Variants in YTHDF3 observed in about 807,000 individuals in gnomAD.
YTHDF3 encodes YTH N6-methyladenosine RNA binding protein F3, also known as YTH domain-containing family protein 3.
In YTHDF3, 9 loss-of-function variants were observed where a neutral mutation model predicts 52.5. The observed-to-expected ratio is 0.17, with a 90% CI of 0.10 to 0.30. The LOEUF is 0.30. Among genes scored for constraint, YTHDF3 ranks in the 10% least tolerant of loss-of-function variants. The pLI, the probability that YTHDF3 is intolerant of heterozygous loss-of-function variation, is 1.00. For missense variants in YTHDF3, 534 were observed against 715.0 expected, an observed-to-expected ratio of 0.75 and a Z score of 2.89; for synonymous variants, 274 against 243.3, an observed-to-expected ratio of 1.13 and a Z score of -1.18.
At chr8:63,190,761 A>G (rs992025557) in intron 4 of YTHDF3, among the ~76,000 whole-genome samples, 4 of 152,150 alleles carry the variant, frequency 2.6e-5, no homozygotes, top group Non-Finnish European at 5.9e-5. Context: ...AACTTCCACC[A>G]CAGGGCTGTG....
In YTHDF3 at chr8:63,187,040, G is replaced by A. The variant is rs529453463; in HGVS notation, c.1029G>A (p.Val343=). ...GPQPQAQPHQ[V]QPQQQQLQNR... is the part of the protein sequence containing the mutation. ...AGCCACAGGCCCAGCCTCACCAAGTGCAGCCTCAACAGCAGCAGCTGCAGA... is the reference window on the plus strand; with the variant it reads ...AGCCACAGGCCCAGCCTCACCAAGTACAGCCTCAACAGCAGCAGCTGCAGA... Residue 343 remains valine (V), a synonymous_variant, in exon 4 of 5, where the codon GTG becomes GTA. Coordinates refer to ENST00000539294, the MANE Select transcript of YTHDF3 (RefSeq NM_152758.6). 2.5e-6 allele frequency: 4 copies of A among 1,613,524 alleles called. No homozygotes were observed. The highest frequency in any genetic ancestry group is 2.2e-5 in the East Asian group (1 of 44,872).
In YTHDF3 at chr8:63,210,348, G is replaced by A. The variant is rs1366833780; in HGVS notation, c.*642G>A. 1 of 152,510 alleles carries A rather than the reference G, an allele frequency of 6.6e-6. No homozygotes were observed. The highest frequency in any genetic ancestry group is 2.4e-5 in the African/African-American group (1 of 41,430). The allele number at this position is 152,510 out of a possible 1,614,324, so 9.4% of individuals were successfully genotyped here. On this transcript the variant is annotated 3_prime_UTR_variant, in exon 5 of 5. Coordinates refer to ENST00000539294, the MANE Select transcript of YTHDF3 (RefSeq NM_152758.6). ...GTAACAGAATATTGATATGCAGCTTGGTGGATTTCACCAGTTAATGCACAT... is the reference window on the plus strand; with the variant it reads ...GTAACAGAATATTGATATGCAGCTTAGTGGATTTCACCAGTTAATGCACAT...
At position 63,175,531 on chromosome 8, in the gene YTHDF3, G is replaced by A. The variant is rs936910790; in HGVS notation, c.135+115G>A. 7 of 839,178 alleles carry A rather than the reference G, an allele frequency of 8.3e-6. No homozygotes were observed. In the African/African-American group the frequency reaches 1.0e-4, roughly 12 times the overall value. 52.0% of individuals were successfully genotyped at this position (839,178 alleles called of 1,614,324 possible). A position where few individuals can be genotyped will look rare whatever the true frequency, so the allele number is the denominator to read the frequency against. The stretch of plus-strand genomic sequence containing the variant: ...CATAACATGGATTCATTCATCTAGT[G>A]TACCTATATAGTAAGTGAGTAGTGA... On this transcript the variant is annotated intron_variant, in intron 3 of 4. Coordinates refer to ENST00000539294, the MANE Select transcript of YTHDF3 (RefSeq NM_152758.6).
chr8:63,168,587 A>G (rs1416075629), upstream of YTHDF3: 1 of 556,334 alleles, frequency 1.8e-6, no homozygotes, highest in Non-Finnish European at 3.2e-6. Flanking sequence ...GTCAGAGTGG[A>G]GAGCGGAAGG....
chr8:63,194,143 A>G (rs1809089431), intron 4 of YTHDF3, among the ~76,000 whole-genome samples: 1 of 152,204 alleles, frequency 6.6e-6, no homozygotes, highest in Non-Finnish European at 1.5e-5. Flanking sequence ...TAGATGCGAA[A>G]GTATTGGTAA....
intron 4 of YTHDF3, among the ~76,000 whole-genome samples, chr8:63,197,137 C>T (rs1809292094): frequency 6.6e-6 from 1 of 152,154 alleles, no homozygotes; most frequent in Non-Finnish European, 1.5e-5. Context: ...TTCTAGATAG[C>T]CTTTGTCATA....
chr8:63,205,390 A>T (rs1476366419), intron 4 of YTHDF3, among the ~76,000 whole-genome samples: 1 of 152,084 alleles, frequency 6.6e-6, no homozygotes, highest in Non-Finnish European at 1.5e-5. Context: ...ATAACATCAA[A>T]AGTTAATGAT....
chr8:63,197,695 T>C (rs1335312568), intron 4 of YTHDF3, among the ~76,000 whole-genome samples: 1 of 152,190 alleles, frequency 6.6e-6, no homozygotes, highest in East Asian at 1.9e-4. Context: ...GCATCTGAAT[T>C]GATAAGCAAT....
chr8:63,171,101 T>C (rs1298499867), intron 2 of YTHDF3, among the ~76,000 whole-genome samples: 5 of 152,214 alleles, frequency 3.3e-5, no homozygotes, highest in African/African-American at 1.2e-4. Context: ...AGTTCTTTAT[T>C]CTCAAGAAAT....
chr8:63,206,262 G>A (rs1810025316), intron 4 of YTHDF3, among the ~76,000 whole-genome samples: 7 of 151,844 alleles, frequency 4.6e-5, no homozygotes, highest in Admixed American at 3.9e-4. Flanking sequence ...CAGTAGAGAC[G>A]GGGTTTGTCA....
chr8:63,204,550 C>T (rs1359662156), intron 4 of YTHDF3, among the ~76,000 whole-genome samples: 1 of 151,910 alleles, frequency 6.6e-6, no homozygotes. Context: ...TTAGTAGAGA[C>T]GGGGTTTCTC....
At chr8:63,209,227 T>G (rs573357493) in intron 4 of YTHDF3, among the ~76,000 whole-genome samples, 1 of 152,342 alleles carries the variant, frequency 6.6e-6, no homozygotes, top group South Asian at 2.1e-4. Flanking sequence ...GAGTGTAAGA[T>G]ACTCTCTTTG....
At chr8:63,199,314 C>G (rs748242954) in intron 4 of YTHDF3, among the ~76,000 whole-genome samples, 2 of 152,078 alleles carry the variant, frequency 1.3e-5, no homozygotes, top group South Asian at 2.1e-4. Flanking sequence ...CCAGGACCCC[C>G]GCAAATACCA....
chr8:63,183,756 C>T (rs1439955068), intron 3 of YTHDF3, among the ~76,000 whole-genome samples: 1 of 152,140 alleles, frequency 6.6e-6, no homozygotes, highest in Non-Finnish European at 1.5e-5. Flanking sequence ...ATAGTCAGCC[C>T]TCCGTATCTG....
At position 63,173,202 on chromosome 8, in the gene YTHDF3, T is replaced by TTATATATATATATATATATATATA. The variant is rs545707272; in HGVS notation, c.50-2117_50-2116insTATATATATATATATATATATATA. Among the ~76,000 whole-genome samples, 994 of 125,610 alleles carry TTATATATATATATATATATATATA rather than the reference T, an allele frequency of 7.9e-3. 30 individuals are homozygous for TTATATATATATATATATATATATA. Among genetic ancestry groups the TTATATATATATATATATATATATA allele is most frequent in the South Asian group, 0.023 (99 of 4,376 alleles). The allele number at this position is 125,610 out of a possible 152,430, so 82.4% of individuals were successfully genotyped here. On this transcript the variant is annotated intron_variant, in intron 2 of 4. Coordinates refer to ENST00000539294, the MANE Select transcript of YTHDF3 (RefSeq NM_152758.6). ...AAAAATAAGAATAACAGGATTATAT[T>TTATATATATATATATATATATATA]TATATATATATACAGATAAATTTTA...
In YTHDF3 at chr8:63,187,183, T is replaced by C; in HGVS notation, c.1172T>C (p.Val391Ala). Reference sequence around the variant, plus strand: ...AGTGCTTCACCTTCTAGTGTAGAAGTGCATCCCGTGCTGGAAAAGCTAAAG... The same window carrying C: ...AGTGCTTCACCTTCTAGTGTAGAAGCGCATCCCGTGCTGGAAAAGCTAAAG... ...PVSASPSSVEVHPVLEKLKAI... is the reference protein window; with the variant it reads ...PVSASPSSVEAHPVLEKLKAI... The change falls in exon 4 of 5, where the codon GTG becomes GCG. Residue 391 changes from valine (V) to alanine (A), a missense_variant. This residue lies in a region of YTHDF3 where 203 missense variants were observed against 201.3 expected (regional missense o/e 1.01). Coordinates refer to ENST00000539294, the MANE Select transcript of YTHDF3 (RefSeq NM_152758.6). 1 of 1,614,028 alleles carries C rather than the reference T, an allele frequency of 6.2e-7. No homozygotes were observed. The highest frequency in any genetic ancestry group is 8.5e-7 in the Non-Finnish European group (1 of 1,179,892).
At chr8:63,201,222 C>G (rs561795251) in intron 4 of YTHDF3, among the ~76,000 whole-genome samples, 1 of 152,230 alleles carries the variant, frequency 6.6e-6, no homozygotes, top group African/African-American at 2.4e-5. Context: ...TAAGCCATTG[C>G]ATGTGTTTAT....
chr8:63,182,829 T>C (rs1355397661), intron 3 of YTHDF3, among the ~76,000 whole-genome samples: 1 of 152,224 alleles, frequency 6.6e-6, no homozygotes, highest in African/African-American at 2.4e-5. Flanking sequence ...TCTTTTAGAA[T>C]GAGTATCTTA....
intron 3 of YTHDF3, among the ~76,000 whole-genome samples, chr8:63,177,838 A>G (rs1420508964): frequency 1.3e-5 from 2 of 151,678 alleles, no homozygotes; most frequent in Admixed American, 6.6e-5. Flanking sequence ...GCTCACTGCA[A>G]CCTCTGTCGC....
Sources: allele counts gnomAD v4.1 joint callset (sites outside exome capture counted in the v4.1 genomes callset), GRCh38; gene constraint gnomAD v4.1.1; regional missense constraint gnomAD v4.1.1; transcripts MANE v1.5; gene names NCBI Gene and HGNC (gene_info 2026-07-23, HGNC 2026-07-21).